The following RPAP3 variants were observed in gnomAD, a reference collection of about 807,000 sequenced individuals.
RPAP3 encodes the protein RNA polymerase II-associated protein 3.
Under a neutral mutation model 88.8 loss-of-function variants are expected in RPAP3, and 58 were observed. The observed-to-expected ratio is 0.65, with a 90% CI of 0.53 to 0.81. The LOEUF (loss-of-function observed/expected upper bound fraction) is 0.81. Ranked by LOEUF, RPAP3 falls within the 40% of genes least tolerant of loss-of-function variation. The probability of loss-of-function intolerance (pLI) is 0.00; values close to 1 mark genes in which losing one functional copy is unlikely to be tolerated. For missense variants in RPAP3, 751 were observed against 764.3 expected (o/e 0.98, Z 0.20); for synonymous variants, 255 against 259.9 (o/e 0.98, Z 0.18).
At chr12:47,697,972 A>T (rs1199601384) in intron 3 of RPAP3, among the ~76,000 whole-genome samples, 1 of 152,186 alleles carries the variant, frequency 6.6e-6, no homozygotes, top group Admixed American at 6.5e-5. Flanking sequence ...AGATTGTACA[A>T]ATCACCCCTA....
chr12:47,663,518 C>G lies in RPAP3; in HGVS notation c.1985G>C (p.Arg662Thr), dbSNP rs1373256764. The G allele has an allele frequency of 1.9e-6, 3 of 1,588,270 alleles. No individual in the cohort carries two copies. The Admixed American group carries it at 5.4e-5, about 29-fold the overall frequency. Residue 662 changes from arginine to threonine, a missense_variant, in exon 17 of 17, where the codon AGA becomes ACA. Transcript: ENST00000005386. ...KDSSVEELKK[R>T]YGG ...CAAAAATGGAAATCAACCACCGTAT[C>G]TTTTCTTGAGTTCTTCGACAGAACT...
intron 12 of RPAP3, among the ~76,000 whole-genome samples, chr12:47,673,708 G>A (rs1205881996): frequency 6.6e-6 from 1 of 152,056 alleles, no homozygotes; most frequent in Non-Finnish European, 1.5e-5. Flanking sequence ...TGATCAGTCA[G>A]GGGTACATAG....
intron 16 of RPAP3, among the ~76,000 whole-genome samples, chr12:47,665,091 ATT>A (rs75507042): frequency 0.051 from 7,180 of 140,074 alleles, 197 homozygotes; most frequent in Middle Eastern, 0.11. Context: ...CAGTTTGGTA[ATT>A]TTTTTTTTTT....
intron 2 of RPAP3, 45 bp from the exon 3 acceptor site, chr12:47,701,649 G>T: frequency 7.2e-7 from 1 of 1,390,386 alleles, no homozygotes; most frequent in Non-Finnish European, 9.5e-7. Context: ...ATTATGCTCT[G>T]TTACTCTTTG....
At position 47,701,551 on chromosome 12, in the gene RPAP3, A is replaced by T. The variant is rs567489222; in HGVS notation, c.207T>A (p.Ala69=). 18 of 1,599,670 alleles carry T rather than the reference A, an allele frequency of 1.1e-5. No homozygotes were observed. The African/African-American group carries it at 1.3e-4, about 12-fold the overall frequency. ...CTCTGGTTTTTTTGGAAGACTCTTT[A>T]GCTTTGCCTTTCTTCTTTTTCCTAA... ...GNFRKKKKGK[A]KESSKKTREE... is the part of the protein sequence containing the mutation. The change falls in exon 3 of 17, where the codon GCT becomes GCA. Residue 69 remains alanine, a synonymous_variant. Transcript: ENST00000005386.
intron 9 of RPAP3, among the ~76,000 whole-genome samples, chr12:47,682,365 G>A (rs1939237901): frequency 6.6e-6 from 1 of 151,860 alleles, no homozygotes; most frequent in Non-Finnish European, 1.5e-5. Flanking sequence ...CAACAACAAG[G>A]TGCTTAAGAA....
intron 8 of RPAP3, 29 bp from the exon 9 acceptor site, chr12:47,686,936 TAAA>T: frequency 7.5e-7 from 1 of 1,337,364 alleles, no homozygotes; most frequent in Non-Finnish European, 1.0e-6. Flanking sequence ...ATATGGAGAA[TAAA>T]AAAAAAATTT....
At chr12:47,670,511 G>C (rs781535302) in intron 12 of RPAP3, among the ~76,000 whole-genome samples, 166 bp from the exon 13 acceptor site, 2 of 152,136 alleles carry the variant, frequency 1.3e-5, no homozygotes, top group African/African-American at 2.4e-5. Flanking sequence ...AAAATAAAAA[G>C]CTATACAAAG....
Position 47,667,037 on chromosome 12 carries a change from A to T in RPAP3, c.1855T>A (p.Ser619Thr). The T allele has an allele frequency of 6.6e-7, 1 of 1,524,838 alleles. No individual in the cohort carries two copies. The highest frequency in any genetic ancestry group is 8.7e-7 in the Non-Finnish European group (1 of 1,143,448). The allele number at this position is 1,524,838 out of a possible 1,614,324, so 94.5% of individuals were successfully genotyped here. A position where few individuals can be genotyped will look rare whatever the true frequency, so the allele number is the denominator to read the frequency against. The change falls in exon 16 of 17, where the codon TCT (serine) becomes ACT (threonine). Residue 619 changes from serine to threonine, a missense_variant. Physicochemically the swap from Ser to Thr is moderately conservative, Grantham distance 58. Coordinates refer to ENST00000005386, the MANE Select transcript of RPAP3 (RefSeq NM_024604.3). ...GCCATATCAAACCTTTTTAGTTCAG[A>T]AAGTCTTTGTAAGATTTCAAAGATG... ...LLIFEILQRL[S>T]ELKRFDMAVM...
chr12:47,683,607 A>C (rs1939269909), intron 9 of RPAP3, among the ~76,000 whole-genome samples: 1 of 152,194 alleles, frequency 6.6e-6, no homozygotes, highest in Admixed American at 6.5e-5. Context: ...AAATAGACTC[A>C]CCTAAGTCCT....
At chr12:47,680,058 A>C (rs1420600351) in intron 10 of RPAP3, among the ~76,000 whole-genome samples, 1 of 152,190 alleles carries the variant, frequency 6.6e-6, no homozygotes, top group Non-Finnish European at 1.5e-5. Context: ...CATGTAAACA[A>C]ATGACAGAGT....
At chr12:47,704,135 G>A (rs148953588) in intron 1 of RPAP3, among the ~76,000 whole-genome samples, 1 of 152,300 alleles carries the variant, frequency 6.6e-6, no homozygotes, top group East Asian at 1.9e-4. Context: ...ATGTGGCCAT[G>A]TTTAACCATT....
At chr12:47,696,737 ATT>A in intron 4 of RPAP3, among the ~76,000 whole-genome samples, 1 of 152,206 alleles carries the variant, frequency 6.6e-6, no homozygotes, top group East Asian at 1.9e-4. Context: ...TTCTAATAAC[ATT>A]TTCTTTTCTC....
At chr12:47,690,802 T>C (rs1434728323) in intron 5 of RPAP3, among the ~76,000 whole-genome samples, 163 bp from the exon 6 acceptor site, 1 of 152,250 alleles carries the variant, frequency 6.6e-6, no homozygotes, top group Non-Finnish European at 1.5e-5. Context: ...AAAGCAATAC[T>C]GCCATTGCTC....
At chr12:47,676,568 AC>A (rs1174036393) in intron 12 of RPAP3, among the ~76,000 whole-genome samples, 1 of 152,240 alleles carries the variant, frequency 6.6e-6, no homozygotes, top group Non-Finnish European at 1.5e-5. Context: ...AGGGGATATC[AC>A]CACTGATCCC....
chr12:47,676,409 A>G (rs1026508488), intron 12 of RPAP3, among the ~76,000 whole-genome samples: 1 of 152,210 alleles, frequency 6.6e-6, no homozygotes, highest in Non-Finnish European at 1.5e-5. Context: ...AGCAGAACTG[A>G]AAGTGATAGA....
At chr12:47,683,467 G>A (rs2136625954) in intron 9 of RPAP3, among the ~76,000 whole-genome samples, 1 of 152,196 alleles carries the variant, frequency 6.6e-6, no homozygotes, top group Non-Finnish European at 1.5e-5. Context: ...GAATATAAAT[G>A]TTTAGGAAAT....
In RPAP3 at chr12:47,668,973, G is replaced by C. The variant is rs367984366; in HGVS notation, c.1656C>G (p.Leu552=). The C allele has an allele frequency of 4.0e-4, 649 of 1,613,844 alleles. 4 individuals are homozygous for C. The highest frequency in any genetic ancestry group is 2.2e-3 in the South Asian group (197 of 91,072). ...LPPIPANSFQ[L]ESDFRQLKSS... Reference sequence around the variant, plus strand: ...TTTTCAATTGTCTGAAATCAGATTCGAGCTGGAACGAGTTTGCAGGAATTG... The same window carrying C: ...TTTTCAATTGTCTGAAATCAGATTCCAGCTGGAACGAGTTTGCAGGAATTG... Residue 552 remains leucine, a synonymous_variant, in exon 14 of 17, where the codon CTC becomes CTG. Transcript: ENST00000005386.
Position 47,689,168 on chromosome 12 carries a change from G to C in RPAP3, c.695C>G (p.Pro232Arg). Residue 232 changes from proline (P) to arginine (R), a missense_variant, in exon 7 of 17, where the codon CCA becomes CGA. Coordinates refer to ENST00000005386, the MANE Select transcript of RPAP3 (RefSeq NM_024604.3). ...TTCATTTGTTGCTTCAAAGTTATTT[G>C]GTTCTAGTTCTAATACTCTTTCATA... ...KDYERVLELE[P>R]NNFEATNELR... 1 of 1,474,174 alleles carries C rather than the reference G, an allele frequency of 6.8e-7. No homozygotes were observed. Among genetic ancestry groups the C allele is most frequent in the South Asian group, 1.2e-5 (1 of 84,900 alleles). The allele number at this position is 1,474,174 out of a possible 1,614,324, so 91.3% of individuals were successfully genotyped here.
Sources: gnomAD v4.1 joint callset for allele counts (sites outside exome capture counted in the v4.1 genomes callset) on GRCh38, gnomAD v4.1.1 for gene constraint, MANE v1.5 for transcripts, NCBI Gene and HGNC (gene_info 2026-07-23, HGNC 2026-07-21) for gene names.